DIAPH3: variants seen among roughly 807,000 people sequenced by gnomAD.
The protein encoded by DIAPH3 is protein diaphanous homolog 3.
DIAPH3 carries 117 observed loss-of-function variants against 144.3 expected under a neutral mutation model. That is an observed-to-expected ratio of 0.81 (90% CI 0.70 to 0.95). The LOEUF (loss-of-function observed/expected upper bound fraction) is 0.95, where lower values mean the gene tolerates loss of function less well. DIAPH3 is among the 40% of genes least tolerant of loss of function. The pLI is 0.00. For missense variants in DIAPH3, 1,421 were observed against 1,412.7 expected (o/e 1.01, Z -0.09); for synonymous variants, 519 against 488.9 (o/e 1.06, Z -0.81).
At chr13:59,878,037 T>C (rs1156742579) in intron 21 of DIAPH3, among the ~76,000 whole-genome samples, 2 of 152,168 alleles carry the variant, frequency 1.3e-5, no homozygotes, top group South Asian at 4.1e-4. Flanking sequence ...CATTTCATCA[T>C]AATTAATGGT....
chr13:60,157,842 C>A lies in DIAPH3; in HGVS notation c.180+5745G>T, dbSNP rs572303938. 4.1e-4 allele frequency among the ~76,000 whole-genome samples: 63 copies of A among 152,294 alleles called. 1 individual carries two copies. In the South Asian group the frequency reaches 8.1e-3, roughly 20 times the overall value. ...TGAAATCTTAGTTCAGATATGTTAG[C>A]CCTACCTGTGCTGCTTGGAGTCTGT... is the stretch of plus-strand genomic sequence containing the variant. On this transcript the variant is annotated intron_variant, in intron 1 of 27. Coordinates refer to ENST00000400324, the MANE Select transcript of DIAPH3 (RefSeq NM_001042517.2).
intron 1 of DIAPH3, among the ~76,000 whole-genome samples, chr13:60,158,463 T>A (rs1952129104): frequency 6.6e-6 from 1 of 152,172 alleles, no homozygotes. Flanking sequence ...ATTAAGCTTG[T>A]GAGCTTAGTT....
At chr13:60,159,784 C>T (rs1176940182) in intron 1 of DIAPH3, among the ~76,000 whole-genome samples, 1 of 152,148 alleles carries the variant, frequency 6.6e-6, no homozygotes, top group Non-Finnish European at 1.5e-5. Context: ...ATAATACTAC[C>T]TACCTCACAA....
chr13:59,746,220 T>TTTTG (rs1406131549), intron 27 of DIAPH3, among the ~76,000 whole-genome samples: 1 of 151,906 alleles, frequency 6.6e-6, no homozygotes, highest in Non-Finnish European at 1.5e-5. Context: ...CCAGCTGGGT[T>TTTTG]TTTGTTTGTT....
At chr13:59,740,296 TCTA>T (rs1205025616) in intron 27 of DIAPH3, among the ~76,000 whole-genome samples, 2 of 152,224 alleles carry the variant, frequency 1.3e-5, no homozygotes, top group Non-Finnish European at 2.9e-5. Context: ...CCAATTCACC[TCTA>T]CCATATTATA....
chr13:59,756,460 GGAAGGAAAGAAGGAAGGAAGGAA>G (rs2037272573), intron 27 of DIAPH3, among the ~76,000 whole-genome samples: 2 of 138,728 alleles, frequency 1.4e-5, no homozygotes, highest in African/African-American at 2.7e-5. Context: ...AAGGAAGGAA[GGAAGGAAAGAAGGAAGGAAGGAA>G]GGAGGGAAGG....
intron 27 of DIAPH3, among the ~76,000 whole-genome samples, chr13:59,714,002 T>A (rs1459919739): frequency 1.3e-5 from 2 of 151,720 alleles, no homozygotes; most frequent in East Asian, 2.0e-4. Context: ...GGTCCCTTGA[T>A]GATAGGAGTT....
rs780286287 is a variant in DIAPH3 at position 59,839,371 on chromosome 13, AG to A, written c.2814del (p.Pro941LeufsTer10). On this transcript the variant is annotated frameshift_variant, in exon 23 of 28. Transcript: ENST00000400324. LOFTEE classifies it high-confidence loss of function. ...QLQQLEKELE[T>X]FPPPEDLHDK... ...TCATGCAAGTCCTCAGGAGGGGGAA[AG>A]GTTTCCAATTCCTTCTCAAGCTGTT... 2.2e-5 allele frequency: 36 copies of A among 1,613,722 alleles called. No individual in the cohort carries two copies. Among genetic ancestry groups the A allele is most frequent in the Non-Finnish European group, 3.0e-5 (35 of 1,179,790 alleles).
At chr13:59,925,551 T>C (rs949699667) in intron 17 of DIAPH3, among the ~76,000 whole-genome samples, 2 of 152,192 alleles carry the variant, frequency 1.3e-5, no homozygotes, top group Non-Finnish European at 2.9e-5. Flanking sequence ...TTGGTATTAG[T>C]GTAAAGCTGG....
intron 4 of DIAPH3, among the ~76,000 whole-genome samples, chr13:60,083,901 A>G (rs2057651049): frequency 1.4e-5 from 2 of 139,580 alleles, no homozygotes; most frequent in African/African-American, 2.8e-5. Flanking sequence ...GACCCTATGG[A>G]TGGACAGATG....
chr13:59,757,225 T>A (rs1029054152), intron 27 of DIAPH3, among the ~76,000 whole-genome samples: 1 of 151,976 alleles, frequency 6.6e-6, no homozygotes, highest in Non-Finnish European at 1.5e-5. Flanking sequence ...TTTAGTATAA[T>A]CTCTTCACTC....
At position 60,075,854 on chromosome 13, in the gene DIAPH3, C is replaced by T. The variant is rs148717473; in HGVS notation, c.495+17774G>A. On this transcript the variant is annotated intron_variant, in intron 4 of 27. Transcript: ENST00000400324. ...GTTATACTCTGGTGCCACGGTCCTC[C>T]AGATGTAGCTGATATCCAAGTGTTG... is the stretch of plus-strand genomic sequence containing the variant. Among the ~76,000 whole-genome samples, 291 of 152,352 alleles carry T rather than the reference C, an allele frequency of 1.9e-3. 1 individual carries two copies. The highest frequency in any genetic ancestry group is 6.9e-3 in the African/African-American group (286 of 41,576).
chr13:59,671,970 T>C (rs2032395657), intron 27 of DIAPH3, among the ~76,000 whole-genome samples: 1 of 152,158 alleles, frequency 6.6e-6, no homozygotes, highest in South Asian at 2.1e-4. Flanking sequence ...TTAAAAAAAC[T>C]CATTCATCCT....
chr13:60,159,364 G>A (rs973155702), intron 1 of DIAPH3, among the ~76,000 whole-genome samples: 12 of 152,250 alleles, frequency 7.9e-5, no homozygotes, highest in East Asian at 5.8e-4. Context: ...GATGGCTCAC[G>A]CCTGTAATCC....
chr13:59,941,265 C>T (rs1306973557), intron 17 of DIAPH3, among the ~76,000 whole-genome samples: 1 of 152,056 alleles, frequency 6.6e-6, no homozygotes, highest in African/African-American at 2.4e-5. Flanking sequence ...AGGAAGGATG[C>T]AGCACATGAG....
At chr13:60,000,554 T>C (rs1362042657) in intron 9 of DIAPH3, among the ~76,000 whole-genome samples, 1 of 152,120 alleles carries the variant, frequency 6.6e-6, no homozygotes, top group East Asian at 1.9e-4. Context: ...AACCCAGCTA[T>C]TGGTATTATA....
intron 22 of DIAPH3, among the ~76,000 whole-genome samples, chr13:59,846,940 G>GT (rs957200882): frequency 6.6e-6 from 1 of 152,118 alleles, no homozygotes; most frequent in Non-Finnish European, 1.5e-5. Flanking sequence ...TTAGCCAGGG[G>GT]TAGTGGTGCC....
chr13:59,846,482 C>T (rs2042638591), intron 22 of DIAPH3, among the ~76,000 whole-genome samples: 1 of 152,050 alleles, frequency 6.6e-6, no homozygotes, highest in South Asian at 2.1e-4. Flanking sequence ...TTTCAGGCTC[C>T]AAGCAATATA....
At chr13:59,844,758 A>C (rs938379817) in intron 22 of DIAPH3, among the ~76,000 whole-genome samples, 1 of 152,166 alleles carries the variant, frequency 6.6e-6, no homozygotes, top group African/African-American at 2.4e-5. Context: ...CATTTTCCTC[A>C]GTTAACATTC....
Sources: gnomAD v4.1 joint callset for allele counts (sites outside exome capture counted in the v4.1 genomes callset) on GRCh38, gnomAD v4.1.1 for gene constraint, MANE v1.5 for transcripts, NCBI Gene and HGNC (gene_info 2026-07-23, HGNC 2026-07-21) for gene names.